Variants in ARL6 observed in about 807,000 individuals in gnomAD.
ARL6 encodes the protein ADP-ribosylation factor-like protein 6.
ARL6 carries 18 observed loss-of-function variants against 27.1 expected under a neutral mutation model. The ratio of observed to expected loss-of-function variants is 0.66; its 90% confidence interval spans 0.46 to 0.98. The LOEUF is 0.98. Among genes scored for constraint, ARL6 ranks in the 50% least tolerant of loss-of-function variants. ARL6 has a pLI of 0.00. For missense variants in ARL6, 187 were observed against 214.9 expected (o/e 0.87, Z 0.81); for synonymous variants, 65 against 72.3 (o/e 0.90, Z 0.51).
chr3:97,769,619 C>A (rs1000960064), intron 2 of ARL6, among the ~76,000 whole-genome samples: 1 of 151,996 alleles, frequency 6.6e-6, no homozygotes, highest in Admixed American at 6.6e-5. Context: ...ACTGAATTAT[C>A]AAACACTAAG....
chr3:97,788,780 TTTC>T lies in ARL6; in HGVS notation c.479+664_479+666del, dbSNP rs369501801. On this transcript the variant is annotated intron_variant, in intron 6 of 7. Coordinates refer to ENST00000463745, the MANE Select transcript of ARL6 (RefSeq NM_001278293.3). ...TATGCATTGTTTGTTTGGAAAACAG[TTTC>T]TTATTTAACTCCATTGTGCCTTTCT... Among the ~76,000 whole-genome samples, 57 of 152,280 alleles carry T rather than the reference TTTC, an allele frequency of 3.7e-4. 1 individual carries two copies. The East Asian group carries it at 7.3e-3, about 20-fold the overall frequency.
chr3:97,796,812 G>T (rs1158791423), intron 7 of ARL6, among the ~76,000 whole-genome samples: 1 of 152,158 alleles, frequency 6.6e-6, no homozygotes, highest in Non-Finnish European at 1.5e-5. Flanking sequence ...ATTGGGAAAT[G>T]CCTGGAAGAG....
At chr3:97,784,511 A>G (rs1559683860) in intron 4 of ARL6, among the ~76,000 whole-genome samples, 1 of 151,664 alleles carries the variant, frequency 6.6e-6, no homozygotes, top group East Asian at 1.9e-4. Context: ...AAATTTACAT[A>G]TGTATTGCAA....
At chr3:97,793,861 G>A (rs1234610521) in intron 7 of ARL6, among the ~76,000 whole-genome samples, 116 of 141,282 alleles carry the variant, frequency 8.2e-4, no homozygotes, top group Middle Eastern at 7.6e-3. Context: ...ACTGATAGTT[G>A]AAAAAAAAAA....
intron 5 of ARL6, 41 bp downstream of exon 5, chr3:97,785,090 T>A: frequency 6.7e-7 from 1 of 1,486,998 alleles, no homozygotes; most frequent in Non-Finnish European, 9.4e-7. Context: ...TCTTTGGGGT[T>A]CATTTATGTG....
rs969015048 is a variant in ARL6 at position 97,799,923 on chromosome 3, G to C, written c.*1874G>C. ...AATAACAATTAAAATGATAGAAAAGGCTCTTACTTGGGACAGCAACCAGGA... is the reference window on the plus strand; with the variant it reads ...AATAACAATTAAAATGATAGAAAAGCCTCTTACTTGGGACAGCAACCAGGA... On this transcript the variant is annotated 3_prime_UTR_variant, in exon 8 of 8. Transcript: ENST00000463745. 5 of 152,040 alleles carry C rather than the reference G, an allele frequency of 3.3e-5. No homozygotes were observed. The highest frequency in any genetic ancestry group is 2.1e-4 in the South Asian group (1 of 4,828). The allele number at this position is 152,040 out of a possible 1,614,324, so 9.4% of individuals were successfully genotyped here.
chr3:97,769,069 C>T (rs567036672), intron 2 of ARL6, among the ~76,000 whole-genome samples: 3 of 152,030 alleles, frequency 2.0e-5, no homozygotes, highest in African/African-American at 7.2e-5. Context: ...CAGAAATGTA[C>T]AATGCTGTGA....
intron 4 of ARL6, among the ~76,000 whole-genome samples, chr3:97,782,867 GTACT>G (rs1352514673): frequency 1.3e-5 from 2 of 150,450 alleles, no homozygotes; most frequent in African/African-American, 4.9e-5. Context: ...CTATAAATAT[GTACT>G]TACTATGTAT....
intron 4 of ARL6, among the ~76,000 whole-genome samples, chr3:97,784,081 G>C (rs936468857): frequency 4.6e-5 from 7 of 151,884 alleles, no homozygotes; most frequent in Non-Finnish European, 1.0e-4. Flanking sequence ...AGAAAGGTAT[G>C]TAGGAGGATA....
chr3:97,777,749 T>G (rs538970878), intron 2 of ARL6, among the ~76,000 whole-genome samples: 2 of 152,324 alleles, frequency 1.3e-5, no homozygotes, highest in South Asian at 2.1e-4. Context: ...TTGGAATATG[T>G]TAGAGGAAAA....
Position 97,776,674 on chromosome 3 carries a change from T to TG in ARL6, c.124-3484dup, listed in dbSNP as rs1228734478. ...TGTTTATTTATTTATTTTTTTTTTT[T>TG]GAGACAGGGTCTGGCTCTGTCACCC... On this transcript the variant is annotated intron_variant, in intron 2 of 7. Transcript: ENST00000463745. 2.6e-5 allele frequency among the ~76,000 whole-genome samples: 4 copies of TG among 152,148 alleles called. No homozygotes were observed. In the South Asian group the frequency reaches 6.2e-4, roughly 24 times the overall value.
intron 2 of ARL6, 138 bp downstream of exon 2, chr3:97,768,368 C>T (rs2036484197): frequency 2.4e-6 from 2 of 828,446 alleles, no homozygotes; most frequent in Non-Finnish European, 3.7e-6. Context: ...TTTAAGTATC[C>T]TCAGCCATAA....
Position 97,798,163 on chromosome 3 carries a change from C to G in ARL6, c.*114C>G, listed in dbSNP as rs2038092686. ...ATCAAAAAATATAATTTTCTGCTTGCATTTATGGACTCTGACCTTTTTAAG... is the reference window on the plus strand; with the variant it reads ...ATCAAAAAATATAATTTTCTGCTTGGATTTATGGACTCTGACCTTTTTAAG... On this transcript the variant is annotated 3_prime_UTR_variant, in exon 8 of 8. Coordinates refer to ENST00000463745, the MANE Select transcript of ARL6 (RefSeq NM_001278293.3). The G allele has an allele frequency of 1.8e-6, 2 of 1,085,862 alleles. No homozygotes were observed. The highest frequency in any genetic ancestry group is 1.4e-6 in the Non-Finnish European group (1 of 712,502). 67.3% of individuals were successfully genotyped at this position (1,085,862 alleles called of 1,614,324 possible).
rs11924982 is a variant in ARL6, at chr3:97,782,431, A to C, written c.254+1748A>C. Reference sequence around the variant, plus strand: ...TGGTTACATTGTAGATTGAATGGAGAATATGATTACTATTGAAAAATCAAC... The same window carrying C: ...TGGTTACATTGTAGATTGAATGGAGCATATGATTACTATTGAAAAATCAAC... On this transcript the variant is annotated intron_variant, in intron 4 of 7. Coordinates refer to ENST00000463745, the MANE Select transcript of ARL6 (RefSeq NM_001278293.3). 6.5e-3 allele frequency among the ~76,000 whole-genome samples: 984 copies of C among 151,938 alleles called. 8 individuals are homozygous for C. The highest frequency in any genetic ancestry group is 0.022 in the African/African-American group (900 of 41,522).
chr3:97,770,984 G>C lies in ARL6; in HGVS notation c.123+2754G>C, dbSNP rs77337646. 6.4e-3 allele frequency among the ~76,000 whole-genome samples: 966 copies of C among 152,002 alleles called. 8 individuals are homozygous for C. The highest frequency in any genetic ancestry group is 0.021 in the African/African-American group (883 of 41,492). On this transcript the variant is annotated intron_variant, in intron 2 of 7. Coordinates refer to ENST00000463745, the MANE Select transcript of ARL6 (RefSeq NM_001278293.3). ...CTCCAACTTTGTACTTTTTGTTCAG[G>C]ATTATTTTGGCTATTTGGGGTCTTT...
At chr3:97,791,914 A>G in intron 7 of ARL6, 88 bp downstream of exon 7, 1 of 1,199,768 alleles carries the variant, frequency 8.3e-7, no homozygotes, top group East Asian at 2.6e-5. Flanking sequence ...TTATTATATC[A>G]TTGCCTTTTT....
intron 5 of ARL6, among the ~76,000 whole-genome samples, chr3:97,787,531 G>A (rs2037516417): frequency 1.3e-5 from 2 of 152,014 alleles, no homozygotes; most frequent in South Asian, 2.1e-4. Context: ...AATGAAAAAT[G>A]TTTCCAAAAT....
chr3:97,787,360 A>T (rs1484948714), intron 5 of ARL6, among the ~76,000 whole-genome samples: 1 of 152,166 alleles, frequency 6.6e-6, no homozygotes, highest in Non-Finnish European at 1.5e-5. Flanking sequence ...TTGCAAATAC[A>T]TAAAATATTT....
In ARL6 at chr3:97,793,492, CATG is replaced by C. The variant is rs1434867640; in HGVS notation, c.535+1669_535+1671del. The C allele has an allele frequency of 2.0e-5, 3 of 152,246 alleles. No homozygotes were observed. The East Asian group carries it at 5.8e-4, about 29-fold the overall frequency. 9.4% of individuals were successfully genotyped at this position (152,246 alleles called of 1,614,324 possible). On this transcript the variant is annotated intron_variant, in intron 7 of 7. Transcript: ENST00000463745. The stretch of plus-strand genomic sequence containing the variant: ...CATGGATGGAAACCCTATTGTCACT[CATG>C]ATAACCTAATTCAGAGCACAATATT...
Sources: allele counts gnomAD v4.1 joint callset (sites outside exome capture counted in the v4.1 genomes callset), GRCh38; gene constraint gnomAD v4.1.1; transcripts MANE v1.5; gene names NCBI Gene and HGNC (gene_info 2026-07-23, HGNC 2026-07-21).